The following GPRC5C variants were observed in gnomAD, a reference collection of about 807,000 sequenced individuals.
The protein encoded by GPRC5C is G protein-coupled receptor class C group 5 member C, also known as G protein-coupled receptor family C group 5 member C.
GPRC5C carries 22 observed loss-of-function variants against 31.4 expected under a neutral mutation model. The observed-to-expected ratio is 0.70, with a 90% CI of 0.50 to 1.00. The LOEUF is 1.00. Ranked by LOEUF, GPRC5C falls within the 50% of genes least tolerant of loss-of-function variation. The probability of loss-of-function intolerance (pLI) is 0.00; values close to 1 mark genes in which losing one functional copy is unlikely to be tolerated. For synonymous variants in GPRC5C, 249 were observed against 257.5 expected, an observed-to-expected ratio of 0.97 and a Z score of 0.32; for missense variants, 557 against 597.2, an observed-to-expected ratio of 0.93 and a Z score of 0.70.
downstream of GPRC5C, chr17:74,450,590 T>A (rs554512401): frequency 6.6e-6 from 1 of 152,346 alleles, no homozygotes; most frequent in African/African-American, 2.4e-5. Context: ...GATGGGCAGA[T>A]GTGTTGTTTC....
chr17:74,432,260 A>G (rs1280300144), intron 1 of GPRC5C, 119 bp downstream of exon 1: 21 of 1,509,620 alleles, frequency 1.4e-5, no homozygotes, highest in Non-Finnish European at 1.9e-5. Context: ...ACGGTGATGC[A>G]GGCTCCAGCC....
At chr17:74,448,593 G>A (rs905591933), downstream of GPRC5C, among the ~76,000 whole-genome samples, 2 of 152,096 alleles carry the variant, frequency 1.3e-5, no homozygotes, top group African/African-American at 2.4e-5. Context: ...TGCCCAGACT[G>A]GTCTTGAACT....
At position 74,447,031 on chromosome 17, in the gene GPRC5C, C is replaced by G. The variant is rs776450975; in HGVS notation, c.*3C>G. 4 of 1,606,200 alleles carry G rather than the reference C, an allele frequency of 2.5e-6. No individual in the cohort carries two copies. In the African/African-American group the frequency reaches 4.0e-5, roughly 16 times the overall value. Reference sequence around the variant, plus strand: ...GAAACCCCTACGTGTGGGACTGAGTCAGCGGTGGCGAGGAGAGGCGGGCGG... The same window carrying G: ...GAAACCCCTACGTGTGGGACTGAGTGAGCGGTGGCGAGGAGAGGCGGGCGG... On this transcript the variant is annotated 3_prime_UTR_variant, in exon 4 of 4. Coordinates refer to ENST00000392627, the MANE Select transcript of GPRC5C (RefSeq NM_022036.4).
At chr17:74,447,934 G>A (rs1043894480), downstream of GPRC5C, among the ~76,000 whole-genome samples, 8 of 152,354 alleles carry the variant, frequency 5.3e-5, no homozygotes, top group Middle Eastern at 3.4e-3. Flanking sequence ...GAGAGGGTCA[G>A]GAATTGTTTA....
chr17:74,437,665 G>C (rs2055453793), intron 1 of GPRC5C, among the ~76,000 whole-genome samples: 1 of 133,900 alleles, frequency 7.5e-6, no homozygotes, highest in African/African-American at 3.8e-5. Flanking sequence ...TGAAAAGAGG[G>C]ACAATTTCTA....
chr17:74,449,434 C>A, downstream of GPRC5C: 1 of 982,920 alleles, frequency 1.0e-6, no homozygotes, highest in Non-Finnish European at 1.4e-6. Context: ...TGGACCGGGC[C>A]CAGCACCTTT....
downstream of GPRC5C, among the ~76,000 whole-genome samples, chr17:74,448,323 C>T (rs115555416): frequency 0.031 from 4,709 of 152,114 alleles, 214 homozygotes; most frequent in African/African-American, 0.1. Flanking sequence ...TCAGTTTGTT[C>T]GGTACTTATA....
At chr17:74,443,746 T>G in intron 2 of GPRC5C, 72 bp from the exon 3 acceptor site, 1 of 1,132,390 alleles carries the variant, frequency 8.8e-7, no homozygotes, top group Non-Finnish European at 1.4e-6. Flanking sequence ...AGAGCCTTGC[T>G]TGGTTTGTGG....
At position 74,440,469 on chromosome 17, in the gene GPRC5C, G is replaced by T; in HGVS notation, c.693G>T (p.Leu231=). ...CCTTCCTGGGGGCCTGGCCCGCCCTGTGTGGCCGCTACAAGCGCTGGCGTA... is the reference window on the plus strand; with the variant it reads ...CCTTCCTGGGGGCCTGGCCCGCCCTTTGTGGCCGCTACAAGCGCTGGCGTA... ...LGAFLGAWPA[L]CGRYKRWRKH... Residue 231 remains leucine (L), a synonymous_variant, in exon 2 of 4, where the codon CTG becomes CTT. Transcript: ENST00000392627. The surrounding 1 kb of genome is among the most constrained non-coding windows in gnomAD (Gnocchi z 4.4). 8 of 1,614,136 alleles carry T rather than the reference G, an allele frequency of 5.0e-6. No individual in the cohort carries two copies. Among genetic ancestry groups the T allele is most frequent in the Non-Finnish European group, 6.8e-6 (8 of 1,180,046 alleles).
chr17:74,440,308 A>G lies in GPRC5C; in HGVS notation c.532A>G (p.Thr178Ala). ...CATCAATACAGAGTGGCTGATCATCACCCTGGTTCGGGGCAGTGGCGAGGG... is the reference window on the plus strand; with the variant it reads ...CATCAATACAGAGTGGCTGATCATCGCCCTGGTTCGGGGCAGTGGCGAGGG... ...VIINTEWLII[T>A]LVRGSGEGGP... Residue 178 changes from threonine to alanine, a missense_variant, in exon 2 of 4, where the codon ACC becomes GCC. Thr to Ala is a moderately conservative substitution (Grantham distance 58). Coordinates refer to ENST00000392627, the MANE Select transcript of GPRC5C (RefSeq NM_022036.4). The surrounding 1 kb of genome is among the most constrained non-coding windows in gnomAD (Gnocchi z 4.4). 6.2e-7 allele frequency: 1 copy of G among 1,614,070 alleles called. No homozygotes were observed. Among genetic ancestry groups the G allele is most frequent in the Non-Finnish European group, 8.5e-7 (1 of 1,180,016 alleles).
Position 74,447,414 on chromosome 17 carries a change from A to G in GPRC5C, c.*386A>G, listed in dbSNP as rs2055658910. The G allele has an allele frequency of 1.1e-6, 1 of 950,974 alleles. No individual in the cohort carries two copies. Among genetic ancestry groups the G allele is most frequent in the East Asian group, 1.0e-4 (1 of 9,540 alleles). The allele number at this position is 950,974 out of a possible 1,614,324, so 58.9% of individuals were successfully genotyped here. On this transcript the variant is annotated 3_prime_UTR_variant, in exon 4 of 4. Coordinates refer to ENST00000392627, the MANE Select transcript of GPRC5C (RefSeq NM_022036.4). ...AGGAACAAGGGTGCCTAATAAATAC[A>G]TTTCTGCTTTATTAACTCTTGCTCT...
chr17:74,448,517 A>G (rs4789664), downstream of GPRC5C, among the ~76,000 whole-genome samples: 130,360 of 152,088 alleles, frequency 0.86, 56,118 homozygotes, highest in Admixed American at 0.91. Flanking sequence ...AGCTGGGATT[A>G]TAGACATGTG....
chr17:74,443,029 ACT>A (rs1385891994), intron 2 of GPRC5C: 1 of 152,096 alleles, frequency 6.6e-6, no homozygotes, highest in Non-Finnish European at 1.5e-5. Context: ...CACTTAGGAA[ACT>A]CTATATAGGT....
chr17:74,432,594 C>A, intron 1 of GPRC5C: 1 of 844,558 alleles, frequency 1.2e-6, no homozygotes, highest in Non-Finnish European at 1.4e-6. Flanking sequence ...TGGGCGAGGG[C>A]AGAGGCGGGG....
intron 1 of GPRC5C, chr17:74,432,630 A>C (rs1320307173): frequency 3.5e-6 from 2 of 566,488 alleles, no homozygotes; most frequent in Non-Finnish European, 4.4e-6. Flanking sequence ...CGGGCTGGGG[A>C]CGCCGCGCCA....
chr17:74,432,694 G>C (rs192010829), intron 1 of GPRC5C, among the ~76,000 whole-genome samples: 1 of 152,006 alleles, frequency 6.6e-6, no homozygotes, highest in Non-Finnish European at 1.5e-5. Flanking sequence ...GGACTGGGGG[G>C]GTGGGGGAGC....
At chr17:74,448,193 C>G (rs2055670989), downstream of GPRC5C, among the ~76,000 whole-genome samples, 1 of 151,948 alleles carries the variant, frequency 6.6e-6, no homozygotes, top group Admixed American at 6.5e-5. Flanking sequence ...CCTAGCTACT[C>G]AAGGGGGTGA....
chr17:74,447,297 G>A lies in GPRC5C; in HGVS notation c.*269G>A, dbSNP rs1379477240. On this transcript the variant is annotated 3_prime_UTR_variant, in exon 4 of 4. Transcript: ENST00000392627. Reference sequence around the variant, plus strand: ...ACTCCAGCCAAATAGTGTTCTCGGGGTGGTGGCTGGGCAGCGCCTATGTTT... The same window carrying A: ...ACTCCAGCCAAATAGTGTTCTCGGGATGGTGGCTGGGCAGCGCCTATGTTT... 4.9e-6 allele frequency: 6 copies of A among 1,214,680 alleles called. No individual in the cohort carries two copies. Among genetic ancestry groups the A allele is most frequent in the African/African-American group, 1.6e-5 (1 of 64,414 alleles). 75.2% of individuals were successfully genotyped at this position (1,214,680 alleles called of 1,614,324 possible).
intron 1 of GPRC5C, 27 bp downstream of exon 1, chr17:74,432,168 A>C (rs763479787): frequency 8.1e-6 from 13 of 1,599,878 alleles, no homozygotes; most frequent in East Asian, 4.6e-5. Flanking sequence ...AGGGCCGGGC[A>C]GGCTTTGTTC....
Sources: allele counts gnomAD v4.1 joint callset (sites outside exome capture counted in the v4.1 genomes callset), GRCh38; gene constraint gnomAD v4.1.1; non-coding constraint Gnocchi (gnomAD v3.1); transcripts MANE v1.5; gene names NCBI Gene and HGNC (gene_info 2026-07-23, HGNC 2026-07-21).